The following TTN variants were observed in gnomAD, a reference collection of about 807,000 sequenced individuals.
The protein encoded by TTN is connectin.
Under a neutral mutation model 3,223.0 loss-of-function variants are expected in TTN, and 1,525 were observed. The ratio of observed to expected loss-of-function variants is 0.47; its 90% CI spans 0.45 to 0.49. The LOEUF is 0.49. Among genes scored for constraint, TTN ranks in the 20% least tolerant of loss-of-function variants. TTN has a pLI of 0.00. For missense variants in TTN, 40,786 were observed against 43,424.0 expected, an observed-to-expected ratio of 0.94 and a Z score of 5.40; for synonymous variants, 14,094 against 15,161.0, an observed-to-expected ratio of 0.93 and a Z score of 5.17.
Position 178,649,281 on chromosome 2 carries a change from C to T in TTN, c.40024G>A (p.Val13342Ile). 2 of 1,496,072 alleles carry T rather than the reference C, an allele frequency of 1.3e-6. No individual in the cohort carries two copies. Among genetic ancestry groups the T allele is most frequent in the Non-Finnish European group, 1.8e-6 (2 of 1,128,606 alleles). The allele number at this position is 1,496,072 out of a possible 1,614,324, so 92.7% of individuals were successfully genotyped here. ...LVPVKKEPVPVTKKPEVLPEK... is the reference protein window; with the variant it reads ...LVPVKKEPVPITKKPEVLPEK... ...GGAAGAACTTCTGGTTTTTTGGTAA[C>T]AGGCACAGGTTCTTTCTTTACTGGA... The change falls in exon 213 of 363, where the codon GTT becomes ATT. Residue 13342 changes from valine (V) to isoleucine (I), a missense_variant. Coordinates refer to ENST00000589042, the MANE Select transcript of TTN (RefSeq NM_001267550.2).
rs772959936 is a variant in TTN, at chr2:178,600,939, A to G, written c.55965T>C (p.Tyr18655=). The G allele has an allele frequency of 1.9e-6, 3 of 1,612,988 alleles. No homozygotes were observed. Among genetic ancestry groups the G allele is most frequent in the East Asian group, 4.5e-5 (2 of 44,740 alleles). ...TVEDLVEGGE[Y]EFRVKAVNAA... ...CATTGACAGCTTTGACTCGGAATTC[A>G]TATTCCCCACCCTCTACTAGGTCTT... The change falls in exon 288 of 363, where the codon TAT becomes TAC. Residue 18655 remains tyrosine (Y), a synonymous_variant. Coordinates refer to ENST00000589042, the MANE Select transcript of TTN (RefSeq NM_001267550.2).
intron 1 of TTN, among the ~76,000 whole-genome samples, chr2:178,805,631 C>T (rs1174843377): frequency 1.3e-5 from 2 of 152,142 alleles, no homozygotes; most frequent in Non-Finnish European, 2.9e-5. Flanking sequence ...TTTCTTCATA[C>T]TGTAACTGTG....
chr2:178,525,989 T>G lies in TTN; in HGVS notation c.*1023A>C, dbSNP rs1232545627. Reference sequence around the variant, plus strand: ...TTCACAGAAAACAACCAGCCACACATTTTGAGGTGCAGATAGCTTGCTTTA... The same window carrying G: ...TTCACAGAAAACAACCAGCCACACAGTTTGAGGTGCAGATAGCTTGCTTTA... On this transcript the variant is annotated 3_prime_UTR_variant, in exon 363 of 363. Coordinates refer to ENST00000589042, the MANE Select transcript of TTN (RefSeq NM_001267550.2). 1.3e-5 allele frequency: 2 copies of G among 152,708 alleles called. No homozygotes were observed. The highest frequency in any genetic ancestry group is 2.1e-4 in the South Asian group (1 of 4,828). The allele number at this position is 152,708 out of a possible 1,614,324, so 9.5% of individuals were successfully genotyped here. A position where few individuals can be genotyped will look rare whatever the true frequency, so the allele number is the denominator to read the frequency against.
Position 178,550,156 on chromosome 2 carries a change from A to T in TTN, c.91682T>A (p.Phe30561Tyr). 1 of 1,613,738 alleles carries T rather than the reference A, an allele frequency of 6.2e-7. No homozygotes were observed. Among genetic ancestry groups the T allele is most frequent in the Non-Finnish European group, 8.5e-7 (1 of 1,179,742 alleles). Residue 30561 changes from phenylalanine to tyrosine, a missense_variant, in exon 337 of 363, where the codon TTC (phenylalanine) becomes TAC (tyrosine). By Grantham distance (22) the Phe-to-Tyr change is conservative (BLOSUM62 3). Transcript: ENST00000589042. ...CTTTTCGATTTCCACTCCATCTTTG[A>T]ACCAAGTTACTCGAGGCACTGGTCT... ...QGRPVPRVTW[F>Y]KDGVEIEKRM...
chr2:178,669,179 C>T (rs202132871), intron 159 of TTN, among the ~76,000 whole-genome samples, 194 bp downstream of exon 159: 180 of 152,104 alleles, frequency 1.2e-3, no homozygotes, highest in East Asian at 0.012. Flanking sequence ...TAGAGTATTT[C>T]TTTTTTAAAT....
intron 10 of TTN, among the ~76,000 whole-genome samples, chr2:178,791,506 C>T (rs143976998): frequency 2.0e-3 from 307 of 152,184 alleles, no homozygotes; most frequent in African/African-American, 3.2e-3. Context: ...CACAGCTCTA[C>T]GGCACAACAG....
intron 41 of TTN, among the ~76,000 whole-genome samples, chr2:178,765,694 G>A (rs767443124): frequency 1.3e-5 from 2 of 152,180 alleles, no homozygotes; most frequent in African/African-American, 2.4e-5. Flanking sequence ...GGCCTAGGAT[G>A]AGAATAGGAA....
At position 178,675,734 on chromosome 2, in the gene TTN, G is replaced by T. The variant is rs182428755; in HGVS notation, c.34474C>A (p.Pro11492Thr). 6.0e-3 allele frequency: 8,637 copies of T among 1,437,438 alleles called. 31 individuals carry two copies. The highest frequency in any genetic ancestry group is 6.6e-3 in the Non-Finnish European group (7,273 of 1,104,602). The allele number at this position is 1,437,438 out of a possible 1,614,324, so 89.0% of individuals were successfully genotyped here. Reference protein sequence around the residue: ...PAKVSVVPKKPEPEKKVPPPG... With the variant: ...PAKVSVVPKKTEPEKKVPPPG... Reference sequence around the variant, plus strand: ...GGAGGGACCTTCTTTTCTGGCTCAGGTTTCTTAGGTACCACAGACACTTTA... The same window carrying T: ...GGAGGGACCTTCTTTTCTGGCTCAGTTTTCTTAGGTACCACAGACACTTTA... Residue 11492 changes from proline to threonine, a missense_variant, in exon 149 of 363, where the codon CCT becomes ACT. Pro to Thr is a conservative substitution (Grantham distance 38). Transcript: ENST00000589042.
In TTN at chr2:178,772,864, G is replaced by A. The variant is rs541511945; in HGVS notation, c.7855+245C>T. 1.5e-4 allele frequency: 78 copies of A among 533,406 alleles called. 1 individual carries two copies. The highest frequency in any genetic ancestry group is 1.4e-3 in the African/African-American group (74 of 52,820). 33.0% of individuals were successfully genotyped at this position (533,406 alleles called of 1,614,324 possible). A position where few individuals can be genotyped will look rare whatever the true frequency, so the allele number is the denominator to read the frequency against. ...AGTGATCCTGGGGTTGGATGAGGAA[G>A]AGATCATATACAAATGGAGAGATTA... On this transcript the variant is annotated intron_variant, in intron 33 of 362. Coordinates refer to ENST00000589042, the MANE Select transcript of TTN (RefSeq NM_001267550.2).
chr2:178,795,005 T>C lies in TTN; in HGVS notation c.1162A>G (p.Ile388Val), dbSNP rs377310892. The change falls in exon 7 of 363, where the codon ATC (isoleucine) becomes GTC (valine). Residue 388 changes from isoleucine to valine, a missense_variant. Coordinates refer to ENST00000589042, the MANE Select transcript of TTN (RefSeq NM_001267550.2). ...GRYGVQEQVTISGAAGAAASV... is the reference protein window; with the variant it reads ...GRYGVQEQVTVSGAAGAAASV... ...GCGGCAGCACCCGCAGCACCACTGA[T>C]GGTCACTTGCTCCTGGACACCGTAT... 3 of 1,610,558 alleles carry C rather than the reference T, an allele frequency of 1.9e-6. No individual in the cohort carries two copies. Among genetic ancestry groups the C allele is most frequent in the African/African-American group, 1.3e-5 (1 of 74,948 alleles).
chr2:178,636,912 A>G lies in TTN; in HGVS notation c.40928-113T>C. The G allele has an allele frequency of 8.0e-7, 1 of 1,248,026 alleles. No individual in the cohort carries two copies. Among genetic ancestry groups the G allele is most frequent in the East Asian group, 2.5e-5 (1 of 40,188 alleles). The allele number at this position is 1,248,026 out of a possible 1,614,324, so 77.3% of individuals were successfully genotyped here. On this transcript the variant is annotated intron_variant, in intron 224 of 362. Coordinates refer to ENST00000589042, the MANE Select transcript of TTN (RefSeq NM_001267550.2). The surrounding 1 kb of genome is among the most constrained non-coding windows in gnomAD (Gnocchi z 4.3). ...CGTAAAGCAATTAGAAGACGAGAAA[A>G]CTAAAGACCAGGCAATTGAAAGGCC...
intron 47 of TTN, chr2:178,747,983 T>C: frequency 1.2e-6 from 2 of 1,613,086 alleles, no homozygotes; most frequent in South Asian, 2.2e-5. Context: ...CAAAGTGGCA[T>C]CTGTATATTC....
rs762601217 is a variant in TTN at position 178,572,907 on chromosome 2, C to G, written c.73225G>C (p.Glu24409Gln). 6.2e-7 allele frequency: 1 copy of G among 1,613,356 alleles called. No homozygotes were observed. Among genetic ancestry groups the G allele is most frequent in the East Asian group, 2.2e-5 (1 of 44,704 alleles). ...GGAGTTCCAGGAACAAGGGCAGGTT[C>G]CCCAAGTCCTTCGGAATTCATGGCA... is the stretch of plus-strand genomic sequence containing the variant. The part of the protein sequence containing the change: ...IYAMNSEGLG[E>Q]PALVPGTPKA... Residue 24409 changes from glutamate (E) to glutamine (Q), a missense_variant, in exon 326 of 363, where the codon GAA becomes CAA. Coordinates refer to ENST00000589042, the MANE Select transcript of TTN (RefSeq NM_001267550.2).
At position 178,616,536 on chromosome 2, in the gene TTN, ACTT is replaced by A; in HGVS notation, c.48252_48254del (p.Ser16085del). 6.2e-7 allele frequency: 1 copy of A among 1,612,414 alleles called. No individual in the cohort carries two copies. Among genetic ancestry groups the A allele is most frequent in the East Asian group, 2.2e-5 (1 of 44,720 alleles). ...TTTCAACAACGTATCCAGTTAACGG[ACTT>A]CCTCCATCATCATCAGGTGGTTCCC... On this transcript the variant is annotated inframe_deletion, in exon 257 of 363. Coordinates refer to ENST00000589042, the MANE Select transcript of TTN (RefSeq NM_001267550.2).
rs1389359522 is a variant in TTN at position 178,565,175 on chromosome 2, C to T, written c.80957G>A (p.Ser26986Asn). The T allele has an allele frequency of 1.1e-5, 17 of 1,613,502 alleles. No homozygotes were observed. Among genetic ancestry groups the T allele is most frequent in the Non-Finnish European group, 1.4e-5 (17 of 1,179,622 alleles). The change falls in exon 326 of 363, where the codon AGT becomes AAT. Residue 26986 changes from serine to asparagine, a missense_variant. By Grantham distance (46) the Ser-to-Asn change is conservative (BLOSUM62 1). Coordinates refer to ENST00000589042, the MANE Select transcript of TTN (RefSeq NM_001267550.2). Reference sequence around the variant, plus strand: ...CCAAGATATGACTACAAAGTCTGCACTAACTTCATCAAACCGAACTGGGCC... The same window carrying T: ...CCAAGATATGACTACAAAGTCTGCATTAACTTCATCAAACCGAACTGGGCC... ...PVGPVRFDEVSADFVVISWEP... is the reference protein window; with the variant it reads ...PVGPVRFDEVNADFVVISWEP...
In TTN at chr2:178,799,621, C is replaced by T. The variant is rs755731566; in HGVS notation, c.780G>A (p.Lys260=). 6.2e-6 allele frequency: 10 copies of T among 1,614,006 alleles called. No homozygotes were observed. Among genetic ancestry groups the T allele is most frequent in the Non-Finnish European group, 8.5e-6 (10 of 1,180,018 alleles). Residue 260 remains lysine (K), a synonymous_variant, in exon 6 of 363, where the codon AAG becomes AAA. Transcript: ENST00000589042. ...GTGGTGTTGGGGATCTTGACTTTGG[C>T]TTCGGAGGAATCCTGGGAGGTGTTT... ...PHKTPPRIPP[K]PKSRSPTPPS...
In TTN at chr2:178,601,057, A is replaced by G. The variant is rs2053304882; in HGVS notation, c.55847T>C (p.Val18616Ala). The G allele has an allele frequency of 6.2e-7, 1 of 1,612,750 alleles. No individual in the cohort carries two copies. The highest frequency in any genetic ancestry group is 8.5e-7 in the Non-Finnish European group (1 of 1,179,228). The change falls in exon 288 of 363, where the codon GTT becomes GCT. Residue 18616 changes from valine (V) to alanine (A), a missense_variant. Physicochemically the swap from Val to Ala is moderately conservative, Grantham distance 64. Transcript: ENST00000589042. ...DGGSPVTHYIVECLAWDPTGT... is the reference protein window; with the variant it reads ...DGGSPVTHYIAECLAWDPTGT... ...AGTAGGGTCCCATGCAAGGCACTCA[A>G]CAATATAGTGGGTAACAGGGGAGCC... is the stretch of plus-strand genomic sequence containing the variant.
chr2:178,688,998 C>G (rs1191381695), intron 125 of TTN, 55 bp downstream of exon 125: 2 of 1,482,244 alleles, frequency 1.3e-6, no homozygotes, highest in African/African-American at 1.5e-5. Context: ...TTAACACACT[C>G]GAAGATTTTT....
intron 47 of TTN, chr2:178,749,986 T>C: frequency 1.2e-6 from 2 of 1,613,268 alleles, no homozygotes; most frequent in African/African-American, 1.3e-5. Context: ...ATTGAGTAAC[T>C]TGATCTTGAG....
Sources: allele counts gnomAD v4.1 joint callset (sites outside exome capture counted in the v4.1 genomes callset), GRCh38; gene constraint gnomAD v4.1.1; non-coding constraint Gnocchi (gnomAD v3.1); transcripts MANE v1.5; gene names NCBI Gene and HGNC (gene_info 2026-07-23, HGNC 2026-07-21).